RANBP2: variants seen among roughly 807,000 people sequenced by gnomAD.
RANBP2 encodes the protein E3 SUMO-protein ligase RanBP2.
RANBP2 carries 57 observed loss-of-function variants against 303.6 expected under a neutral mutation model. The observed-to-expected ratio is 0.19, with a 90% CI of 0.15 to 0.23. The LOEUF (loss-of-function observed/expected upper bound fraction) is 0.23. Ranked by LOEUF, RANBP2 falls within the 10% of genes least tolerant of loss-of-function variation. The pLI is 1.00. For missense variants in RANBP2, 3,138 were observed against 3,780.8 expected, an observed-to-expected ratio of 0.83 and a Z score of 4.46; for synonymous variants, 1,167 against 1,301.5, an observed-to-expected ratio of 0.90 and a Z score of 2.23.
chr2:108,797,832 A>G, the RANBP2 span, among the ~76,000 whole-genome samples: 1 of 152,218 alleles, frequency 6.6e-6, no homozygotes, highest in East Asian at 1.9e-4. Flanking sequence ...AAGGCTCAAA[A>G]TAGACACTTT....
chr2:108,918,722 G>A, the RANBP2 span, among the ~76,000 whole-genome samples: 58 of 152,306 alleles, frequency 3.8e-4, no homozygotes, highest in Non-Finnish European at 7.6e-4. Context: ...AGGGAGCTAC[G>A]CCTCCATTTA....
the RANBP2 span, among the ~76,000 whole-genome samples, chr2:109,647,506 T>C: frequency 6.6e-6 from 1 of 150,792 alleles, no homozygotes; most frequent in African/African-American, 2.4e-5. Flanking sequence ...TCTCACTCTG[T>C]CACCCAGGCT....
the RANBP2 span, among the ~76,000 whole-genome samples, chr2:109,033,743 A>G: frequency 2.0e-5 from 3 of 151,612 alleles, no homozygotes; most frequent in Non-Finnish European, 4.4e-5. Flanking sequence ...ATTTGAGGTC[A>G]GGAGTTCGAG....
chr2:109,467,307 AAAAG>A, the RANBP2 span, among the ~76,000 whole-genome samples: 3 of 152,282 alleles, frequency 2.0e-5, no homozygotes, highest in Non-Finnish European at 4.4e-5. Context: ...CCCAGCAAGA[AAAAG>A]AAACCAGCTG....
the RANBP2 span, among the ~76,000 whole-genome samples, chr2:109,548,363 T>A: frequency 6.6e-6 from 1 of 152,144 alleles, no homozygotes; most frequent in African/African-American, 2.4e-5. Context: ...CTGGCATTCA[T>A]GCAAACAAAG....
the RANBP2 span, among the ~76,000 whole-genome samples, chr2:109,595,657 A>C: frequency 3.9e-5 from 6 of 152,242 alleles, no homozygotes; most frequent in African/African-American, 9.6e-5. Context: ...GTAGAAAAAA[A>C]ATCCCTAAAC....
At chr2:109,224,934 A>G in the RANBP2 span, among the ~76,000 whole-genome samples, 1 of 152,186 alleles carries the variant, frequency 6.6e-6, no homozygotes, top group Non-Finnish European at 1.5e-5. Context: ...TGGCTACTCT[A>G]ATGGACAGCT....
the RANBP2 span, chr2:109,567,878 G>C: frequency 6.2e-7 from 1 of 1,613,888 alleles, no homozygotes; most frequent in Non-Finnish European, 8.5e-7. Flanking sequence ...ATATCTGGAC[G>C]CCATTGCTGA....
At chr2:109,614,423 C>A in the RANBP2 span, 816 of 1,123,326 alleles carry the variant, frequency 7.3e-4, 7 homozygotes, top group African/African-American at 0.012. Flanking sequence ...GGGAGCCGGC[C>A]GCTGGGAGCC....
chr2:109,518,206 A>T, the RANBP2 span, among the ~76,000 whole-genome samples: 1 of 152,220 alleles, frequency 6.6e-6, no homozygotes, highest in Non-Finnish European at 1.5e-5. Context: ...TTCAGCATGA[A>T]GTTGTTTCTA....
rs780035224 is a variant in RANBP2, at chr2:108,763,684, C to T, written c.3145C>T (p.Pro1049Ser). ...TGATGGTGACTTCACGTTTTCCTCA[C>T]CACAGGTTGTGACACAGCCCCCTCC... ...SNDGDFTFSS[P>S]QVVTQPPPAA... is the part of the protein sequence containing the mutation. Residue 1049 changes from proline (P) to serine (S), a missense_variant, in exon 20 of 29, where the codon CCA (proline) becomes TCA (serine). Pro to Ser is a moderately conservative substitution (Grantham distance 74). Around this residue, in one of 20 missense-constraint regions of RANBP2, gnomAD observed 403 missense variants for 376.7 expected, o/e 1.07. Coordinates refer to ENST00000283195, the MANE Select transcript of RANBP2 (RefSeq NM_006267.5). 1 of 1,614,122 alleles carries T rather than the reference C, an allele frequency of 6.2e-7. No individual in the cohort carries two copies. The highest frequency in any genetic ancestry group is 2.2e-5 in the East Asian group (1 of 44,884).
the RANBP2 span, among the ~76,000 whole-genome samples, chr2:109,534,512 G>A: frequency 6.6e-6 from 1 of 152,302 alleles, no homozygotes; most frequent in African/African-American, 2.4e-5. Flanking sequence ...GGACACCGTG[G>A]CTCACACCTG....
chr2:109,184,596 T>A, the RANBP2 span, among the ~76,000 whole-genome samples: 124,286 of 152,090 alleles, frequency 0.82, 50,911 homozygotes, highest in East Asian at 0.89. Context: ...CCCCATCCAG[T>A]GCTGGGGTGC....
the RANBP2 span, among the ~76,000 whole-genome samples, chr2:109,063,769 G>T: frequency 0.13 from 19,979 of 151,492 alleles, 1,420 homozygotes; most frequent in Non-Finnish European, 0.16. Context: ...AGTTAGGGCA[G>T]CCTGGCCAAA....
At chr2:109,223,651 C>T in the RANBP2 span, among the ~76,000 whole-genome samples, 1 of 152,158 alleles carries the variant, frequency 6.6e-6, no homozygotes, top group African/African-American at 2.4e-5. Context: ...TAGCCCTGCA[C>T]CTCTCCATGG....
the RANBP2 span, among the ~76,000 whole-genome samples, chr2:108,938,481 A>G: frequency 6.6e-6 from 1 of 152,206 alleles, no homozygotes; most frequent in African/African-American, 2.4e-5. Context: ...CTCTTGGAGG[A>G]TTGCTCACGA....
the RANBP2 span, among the ~76,000 whole-genome samples, chr2:109,451,535 T>G: frequency 1.3e-3 from 203 of 151,274 alleles, 3 homozygotes; most frequent in Middle Eastern, 6.9e-3. Context: ...TCTATGACAT[T>G]ACGTCCTGTA....
At chr2:109,065,408 T>C in the RANBP2 span, among the ~76,000 whole-genome samples, 14 of 152,296 alleles carry the variant, frequency 9.2e-5, 1 homozygote, top group East Asian at 5.8e-4. Flanking sequence ...GACAGGTCCT[T>C]GGGGCTGCCG....
chr2:108,886,113 T>C, the RANBP2 span, among the ~76,000 whole-genome samples: 6 of 152,194 alleles, frequency 3.9e-5, no homozygotes. Flanking sequence ...TTCTTTTCCT[T>C]TGGGTAGATA....
Sources: allele counts gnomAD v4.1 joint callset (sites outside exome capture counted in the v4.1 genomes callset), GRCh38; gene constraint gnomAD v4.1.1; regional missense constraint gnomAD v4.1.1; transcripts MANE v1.5; gene names NCBI Gene and HGNC (gene_info 2026-07-23, HGNC 2026-07-21).